The following SH2D4B variants were observed in gnomAD, a reference collection of about 807,000 sequenced individuals.
SH2D4B encodes SH2 domain-containing protein 4B.
A neutral mutation model predicts 61.5 loss-of-function variants in SH2D4B; 45 were observed. The ratio of observed to expected loss-of-function variants is 0.73; its 90% CI spans 0.58 to 0.94. The LOEUF is 0.94. SH2D4B is among the 40% of genes least tolerant of loss of function. The pLI, the probability that SH2D4B is intolerant of heterozygous loss-of-function variation, is 0.00. For synonymous variants in SH2D4B, 224 were observed against 220.4 expected, an observed-to-expected ratio of 1.02 and a Z score of -0.14; for missense variants, 572 against 574.2, an observed-to-expected ratio of 1.00 and a Z score of 0.04.
intron 1 of SH2D4B, among the ~76,000 whole-genome samples, chr10:80,551,020 A>G (rs1229724428): frequency 1.3e-5 from 2 of 152,216 alleles, no homozygotes; most frequent in Non-Finnish European, 2.9e-5. Flanking sequence ...AACAAGGAAA[A>G]GAAAAAGAAA....
chr10:80,595,154 T>G (rs1842371418), intron 4 of SH2D4B, among the ~76,000 whole-genome samples: 1 of 152,236 alleles, frequency 6.6e-6, no homozygotes, highest in African/African-American at 2.4e-5. Context: ...AATCAGATTT[T>G]CTTAGGTCTC....
At chr10:80,568,089 C>T (rs1179479098) in intron 1 of SH2D4B, among the ~76,000 whole-genome samples, 14 of 151,414 alleles carry the variant, frequency 9.2e-5, no homozygotes, top group South Asian at 2.1e-4. Context: ...TGAGAGATCA[C>T]ACTTTTTTTT....
At chr10:80,600,913 G>T (rs1280649369) in intron 4 of SH2D4B, among the ~76,000 whole-genome samples, 1 of 152,126 alleles carries the variant, frequency 6.6e-6, no homozygotes, top group Non-Finnish European at 1.5e-5. Context: ...TTTTTAGTTT[G>T]CAGTCAAATG....
In SH2D4B at chr10:80,634,402, G is replaced by T. The variant is rs1295242262; in HGVS notation, c.1106G>T (p.Gly369Val). The change falls in exon 7 of 8, where the codon GGG becomes GTG. Residue 369 changes from glycine (G) to valine (V), a missense_variant. Physicochemically the swap from Gly to Val is moderately radical, Grantham distance 109. Transcript: ENST00000646907. ...GYTLSYRLQK[G>V]FKHFLVDASG... The stretch of plus-strand genomic sequence containing the variant: ...ACCCTCTCCTACCGCCTGCAGAAAG[G>T]GTTCAAACACTTTCTTGTGGATGCT... The T allele has an allele frequency of 1.4e-5, 21 of 1,550,604 alleles. No individual in the cohort carries two copies. Among genetic ancestry groups the T allele is most frequent in the Non-Finnish European group, 1.7e-5 (19 of 1,146,992 alleles).
chr10:80,596,101 T>C (rs911620100), intron 4 of SH2D4B, among the ~76,000 whole-genome samples: 5 of 152,210 alleles, frequency 3.3e-5, no homozygotes, highest in African/African-American at 1.2e-4. Flanking sequence ...CTTTCAGAGT[T>C]AAAATTATAC....
chr10:80,541,131 CT>C (rs1337715823), intron 1 of SH2D4B, among the ~76,000 whole-genome samples: 1 of 152,112 alleles, frequency 6.6e-6, no homozygotes, highest in African/African-American at 2.4e-5. Context: ...ATGGGTGTTT[CT>C]TTAATTAGGG....
At chr10:80,557,964 C>T (rs1295641240) in intron 1 of SH2D4B, among the ~76,000 whole-genome samples, 1 of 152,072 alleles carries the variant, frequency 6.6e-6, no homozygotes, top group Non-Finnish European at 1.5e-5. Flanking sequence ...CTAATATAAG[C>T]ATTTGATGCT....
Position 80,585,091 on chromosome 10 carries a change from T to C in SH2D4B, c.496-3539T>C, listed in dbSNP as rs1913757. On this transcript the variant is annotated intron_variant, in intron 3 of 7. Coordinates refer to ENST00000646907, the MANE Select transcript of SH2D4B (RefSeq NM_001388272.1). The stretch of plus-strand genomic sequence containing the variant: ...CATGTTACTTTGATGTAAACAAAGG[T>C]AGAAGAAAATACACACAGGTATAAC... Among the ~76,000 whole-genome samples the C allele has an allele frequency of 3.3e-3, 510 of 152,318 alleles. 2 individuals are homozygous for C. The highest frequency in any genetic ancestry group is 0.011 in the African/African-American group (439 of 41,572).
intron 3 of SH2D4B, among the ~76,000 whole-genome samples, chr10:80,578,370 G>A (rs895000104): frequency 1.3e-5 from 2 of 152,010 alleles, no homozygotes; most frequent in African/African-American, 4.8e-5. Context: ...TTGTTGTGGG[G>A]GAGGAGGGGA....
intron 6 of SH2D4B, among the ~76,000 whole-genome samples, chr10:80,629,041 A>AC (rs1554818356): frequency 6.9e-6 from 1 of 143,954 alleles, no homozygotes; most frequent in South Asian, 2.3e-4. Flanking sequence ...AAAAAAAAAA[A>AC]GAAAAAGAAA....
In SH2D4B at chr10:80,609,416, C is replaced by G. The variant is rs1340100311; in HGVS notation, c.861-8C>G. ...CTCTTCTGCCCTCCCCACTTTCTTT[C>G]TCTTCAGCAGGACCTGGGAGCGCCC... On this transcript the variant is annotated splice_region_variant and splice_polypyrimidine_tract_variant and intron_variant, in intron 5 of 7. Coordinates refer to ENST00000646907, the MANE Select transcript of SH2D4B (RefSeq NM_001388272.1). 12 of 1,609,046 alleles carry G rather than the reference C, an allele frequency of 7.5e-6. No homozygotes were observed. The Admixed American group carries it at 8.4e-5, about 11-fold the overall frequency.
chr10:80,644,827 A>C lies in SH2D4B; in HGVS notation c.*742A>C. On this transcript the variant is annotated 3_prime_UTR_variant, in exon 8 of 8. Transcript: ENST00000646907. ...AAGACCTGGGGTGAGTTATCAATGC[A>C]AGAATGGTTCTTAGAAATCTGATGA... The C allele has an allele frequency of 6.6e-6, 1 of 152,210 alleles. No individual in the cohort carries two copies. The highest frequency in any genetic ancestry group is 1.9e-4 in the East Asian group (1 of 5,202). 9.4% of individuals were successfully genotyped at this position (152,210 alleles called of 1,614,324 possible).
At chr10:80,566,090 CAAAAAAAA>C (rs60774703) in intron 1 of SH2D4B, among the ~76,000 whole-genome samples, 5 of 23,814 alleles carry the variant, frequency 2.1e-4, no homozygotes, top group Admixed American at 9.0e-4. Context: ...GACTCCGGCT[CAAAAAAAA>C]AAAAAAAAAA....
chr10:80,554,405 G>T (rs1022601118), intron 1 of SH2D4B, among the ~76,000 whole-genome samples: 3 of 152,076 alleles, frequency 2.0e-5, no homozygotes, highest in African/African-American at 7.2e-5. Context: ...GTCAGTTCAG[G>T]TTCTCCAGAG....
chr10:80,584,315 A>C (rs1842217910), intron 3 of SH2D4B, among the ~76,000 whole-genome samples: 1 of 152,228 alleles, frequency 6.6e-6, no homozygotes, highest in Non-Finnish European at 1.5e-5. Flanking sequence ...GGAGAAGAAA[A>C]GATGGCACCC....
At position 80,634,488 on chromosome 10, in the gene SH2D4B, C is replaced by G. The variant is rs1288199389; in HGVS notation, c.1192C>G (p.Leu398Val). 6.5e-7 allele frequency: 1 copy of G among 1,550,154 alleles called. No individual in the cohort carries two copies. The highest frequency in any genetic ancestry group is 8.7e-7 in the Non-Finnish European group (1 of 1,146,948). ...CAATCGCCATGCAACGCTCACGGATCTCGTTGATTTCCATAAGGTATCCCT... is the reference window on the plus strand; with the variant it reads ...CAATCGCCATGCAACGCTCACGGATGTCGTTGATTTCCATAAGGTATCCCT... ...DPNRHATLTD[L>V]VDFHKEEIIT... Residue 398 changes from leucine to valine, a missense_variant, in exon 7 of 8, where the codon CTC (leucine) becomes GTC (valine). Transcript: ENST00000646907.
intron 1 of SH2D4B, among the ~76,000 whole-genome samples, chr10:80,551,479 T>C (rs1443820140): frequency 6.6e-6 from 1 of 151,988 alleles, no homozygotes; most frequent in African/African-American, 2.4e-5. Context: ...CCAGAAAATA[T>C]AATGAAGTGC....
At chr10:80,547,351 TG>T (rs1181635077) in intron 1 of SH2D4B, among the ~76,000 whole-genome samples, 3 of 152,240 alleles carry the variant, frequency 2.0e-5, no homozygotes, top group Non-Finnish European at 2.9e-5. Context: ...TTTGGCATGC[TG>T]ATTTTCCTCA....
intron 4 of SH2D4B, among the ~76,000 whole-genome samples, chr10:80,602,918 CA>C (rs143915881): frequency 0.011 from 1,694 of 152,284 alleles, 37 homozygotes; most frequent in African/African-American, 0.039. Flanking sequence ...GTTTTAGAGC[CA>C]GGCACACCTG....
Sources: gnomAD v4.1 joint callset for allele counts (sites outside exome capture counted in the v4.1 genomes callset) on GRCh38, gnomAD v4.1.1 for gene constraint, MANE v1.5 for transcripts, NCBI Gene and HGNC (gene_info 2026-07-23, HGNC 2026-07-21) for gene names.